Variants in ERVH48-1 observed in about 807,000 individuals in gnomAD.
ERVH48-1 encodes the protein suppressyn.
In ERVH48-1, 4 loss-of-function variants were observed where a neutral mutation model predicts 2.4. The observed-to-expected ratio is 1.68, with a 90% CI of 0.83 to 3.84. The LOEUF is 3.84. Among genes scored for constraint, ERVH48-1 ranks in the 30% most tolerant of loss-of-function variants. The probability of loss-of-function intolerance (pLI) is 0.01; values close to 1 mark genes in which losing one functional copy is unlikely to be tolerated. For missense variants in ERVH48-1, 97 were observed against 43.4 expected (o/e 2.23, Z -3.47); for synonymous variants, 32 against 15.5 (o/e 2.06, Z -2.49).
Position 42,918,935 on chromosome 21 carries a change from G to A in ERVH48-1, c.72C>T (p.Leu24=). 1.6e-6 allele frequency: 1 copy of A among 619,468 alleles called. No individual in the cohort carries two copies. The highest frequency in any genetic ancestry group is 1.5e-5 in the South Asian group (1 of 67,790). The allele number at this position is 619,468 out of a possible 1,614,324, so 38.4% of individuals were successfully genotyped here. ...PTKSLNMGIS[L]TTILILSVAV... is the part of the protein sequence containing the mutation. The stretch of plus-strand genomic sequence containing the variant: ...CTACTGACAGTATTAGGATCGTGGT[G>A]AGGGATATTCCCATATTAAGACTTT... Residue 24 remains leucine, a synonymous_variant, in exon 2 of 2, where the codon CTC becomes CTT. Transcript: ENST00000447535.
chr21:42,922,739 CAAAAAA>C (rs35066156), intron 1 of ERVH48-1, among the ~76,000 whole-genome samples: 2 of 48,196 alleles, frequency 4.1e-5, no homozygotes, highest in East Asian at 5.4e-4. Flanking sequence ...GACTCCGTCT[CAAAAAA>C]AAAAAAAAAA....
chr21:42,925,317 CCT>C (rs2058817631), intron 1 of ERVH48-1, 27 bp downstream of exon 1: 1 of 394,260 alleles, frequency 2.5e-6, no homozygotes, highest in South Asian at 2.4e-5. Context: ...CGGATTTTTC[CCT>C]GTTAACCGGG....
At chr21:42,924,554 C>T (rs988713101) in intron 1 of ERVH48-1, among the ~76,000 whole-genome samples, 6 of 152,144 alleles carry the variant, frequency 3.9e-5, no homozygotes, top group Non-Finnish European at 8.8e-5. Context: ...ATTTTTCCAG[C>T]CGTCAGCAAT....
intron 1 of ERVH48-1, among the ~76,000 whole-genome samples, chr21:42,922,107 T>C (rs2058807656): frequency 6.6e-6 from 1 of 152,122 alleles, no homozygotes; most frequent in East Asian, 1.9e-4. Flanking sequence ...CGAGAAATGA[T>C]AAGCTATAGG....
At chr21:42,924,498 T>G (rs1468575175) in intron 1 of ERVH48-1, among the ~76,000 whole-genome samples, 1 of 152,028 alleles carries the variant, frequency 6.6e-6, no homozygotes, top group African/African-American at 2.4e-5. Context: ...GAGGCCAGGT[T>G]GTAATCTGAG....
At chr21:42,922,097 C>G (rs978977198) in intron 1 of ERVH48-1, among the ~76,000 whole-genome samples, 1 of 151,900 alleles carries the variant, frequency 6.6e-6, no homozygotes, top group Non-Finnish European at 1.5e-5. Flanking sequence ...GGCGAGGAGG[C>G]GAGAAATGAT....
At chr21:42,923,919 G>A (rs1195174413) in intron 1 of ERVH48-1, among the ~76,000 whole-genome samples, 1 of 152,202 alleles carries the variant, frequency 6.6e-6, no homozygotes, top group East Asian at 1.9e-4. Flanking sequence ...GAAATAAACC[G>A]AGTCTTTTGT....
chr21:42,922,510 G>C (rs924617821), intron 1 of ERVH48-1, among the ~76,000 whole-genome samples: 3 of 151,988 alleles, frequency 2.0e-5, no homozygotes, highest in African/African-American at 4.8e-5. Flanking sequence ...GGAGGCCGAG[G>C]TGGGTGGATC....
chr21:42,916,963 C>T lies in ERVH48-1; in HGVS notation c.*1561G>A, dbSNP rs1234450875. 1 of 152,464 alleles carries T rather than the reference C, an allele frequency of 6.6e-6. No individual in the cohort carries two copies. Among genetic ancestry groups the T allele is most frequent in the Non-Finnish European group, 1.5e-5 (1 of 68,254 alleles). 9.4% of individuals were successfully genotyped at this position (152,464 alleles called of 1,614,324 possible). A position where few individuals can be genotyped will look rare whatever the true frequency, so the allele number is the denominator to read the frequency against. Reference sequence around the variant, plus strand: ...GCTATGTAGTACCAGGGCGACCTCCCTCTTGATCTTCAGGGGGTACGTGTC... The same window carrying T: ...GCTATGTAGTACCAGGGCGACCTCCTTCTTGATCTTCAGGGGGTACGTGTC... On this transcript the variant is annotated 3_prime_UTR_variant, in exon 2 of 2. Coordinates refer to ENST00000447535, the MANE Select transcript of ERVH48-1 (RefSeq NM_001308491.2).
rs2058796093 is a variant in ERVH48-1 at position 42,918,588 on chromosome 21, G to C, written c.419C>G (p.Ser140Ter). Residue 140 changes from serine to a stop codon, truncating the protein, a stop_gained, in exon 2 of 2, where the codon TCA (serine) becomes TGA (stop). Coordinates refer to ENST00000447535, the MANE Select transcript of ERVH48-1 (RefSeq NM_001308491.2). LOFTEE classifies it high-confidence loss of function. ...REQIIAKAKA[S>*]KPTTPPENRP... ...ATTTTCAGGGGGAGTTGTTGGTTTT[G>C]AGGCTTTGGCTTTGGCTATAATCTG... 1 of 456,370 alleles carries C rather than the reference G, an allele frequency of 2.2e-6. No individual in the cohort carries two copies. Among genetic ancestry groups the C allele is most frequent in the South Asian group, 1.5e-5 (1 of 64,566 alleles). The allele number at this position is 456,370 out of a possible 1,614,324, so 28.3% of individuals were successfully genotyped here.
In ERVH48-1 at chr21:42,925,389, A is replaced by G. The variant is rs1489518261; in HGVS notation, c.-329T>C. 2.9e-5 allele frequency: 14 copies of G among 483,166 alleles called. No homozygotes were observed. Among genetic ancestry groups the G allele is most frequent in the Non-Finnish European group, 5.4e-5 (14 of 261,556 alleles). 29.9% of individuals were successfully genotyped at this position (483,166 alleles called of 1,614,324 possible). A position where few individuals can be genotyped will look rare whatever the true frequency, so the allele number is the denominator to read the frequency against. On this transcript the variant is annotated 5_prime_UTR_variant, in exon 1 of 2. Coordinates refer to ENST00000447535, the MANE Select transcript of ERVH48-1 (RefSeq NM_001308491.2). ...ACCGATGTGCATGCACAGAGAGGCG[A>G]CTAGAGGCTGAGGAGCTTCCTTTGT...
intron 1 of ERVH48-1, among the ~76,000 whole-genome samples, chr21:42,922,277 T>A (rs193290542): frequency 1.2e-4 from 18 of 152,038 alleles, no homozygotes; most frequent in Non-Finnish European, 2.2e-4. Flanking sequence ...AAGGAAAGGT[T>A]GCATGTTTTA....
chr21:42,917,358 CCA>C lies in ERVH48-1; in HGVS notation c.*1164_*1165del, dbSNP rs2058792059. The C allele has an allele frequency of 1.3e-5, 2 of 151,990 alleles. No individual in the cohort carries two copies. The highest frequency in any genetic ancestry group is 6.6e-5 in the Admixed American group (1 of 15,240). 9.4% of individuals were successfully genotyped at this position (151,990 alleles called of 1,614,324 possible). A position where few individuals can be genotyped will look rare whatever the true frequency, so the allele number is the denominator to read the frequency against. ...ACCACAGGGGAGAAACAGGAGGACCCCAGTGATGAAAATGACTGTCCCCACCA... is the reference window on the plus strand; with the variant it reads ...ACCACAGGGGAGAAACAGGAGGACCCGTGATGAAAATGACTGTCCCCACCA... On this transcript the variant is annotated 3_prime_UTR_variant, in exon 2 of 2. Transcript: ENST00000447535.
At position 42,918,620 on chromosome 21, in the gene ERVH48-1, C is replaced by A. The variant is rs2058796166; in HGVS notation, c.387G>T (p.Lys129Asn). The A allele has an allele frequency of 2.2e-6, 1 of 456,534 alleles. No homozygotes were observed. Among genetic ancestry groups the A allele is most frequent in the African/African-American group, 2.0e-5 (1 of 50,074 alleles). 28.3% of individuals were successfully genotyped at this position (456,534 alleles called of 1,614,324 possible). The change falls in exon 2 of 2, where the codon AAG (lysine) becomes AAT (asparagine). Residue 129 changes from lysine (K) to asparagine (N), a missense_variant. Transcript: ENST00000447535. ...TGGCTTTGGCTATAATCTGTTCTCT[C>A]TTTATGTCCTCAAGCACCTGAGTGT... is the stretch of plus-strand genomic sequence containing the variant. ...GVNTQVLEDI[K>N]REQIIAKAKA... is the part of the protein sequence containing the mutation.
At chr21:42,925,148 G>T (rs2058817102) in intron 1 of ERVH48-1, among the ~76,000 whole-genome samples, 198 bp downstream of exon 1, 1 of 152,126 alleles carries the variant, frequency 6.6e-6, no homozygotes, top group Non-Finnish European at 1.5e-5. Context: ...GTTTCACCAT[G>T]TTGACCAGGC....
intron 1 of ERVH48-1, among the ~76,000 whole-genome samples, chr21:42,922,495 C>G (rs2058808753): frequency 1.3e-5 from 2 of 151,872 alleles, no homozygotes; most frequent in South Asian, 4.2e-4. Context: ...AATCCCAGCA[C>G]TTTGGGAGGC....
chr21:42,925,541 G>A lies in ERVH48-1; in HGVS notation c.-481C>T, dbSNP rs1272769771. The A allele has an allele frequency of 2.6e-5, 7 of 267,728 alleles. No individual in the cohort carries two copies. The highest frequency in any genetic ancestry group is 5.5e-5 in the Admixed American group (1 of 18,068). The allele number at this position is 267,728 out of a possible 1,614,324, so 16.6% of individuals were successfully genotyped here. A position where few individuals can be genotyped will look rare whatever the true frequency, so the allele number is the denominator to read the frequency against. On this transcript the variant is annotated 5_prime_UTR_variant, in exon 1 of 2. Transcript: ENST00000447535. Reference sequence around the variant, plus strand: ...GCATTGGTTGGAACCCGGAGAGCGCGCCAACAGACAACACGAGGCGGTGTG... The same window carrying A: ...GCATTGGTTGGAACCCGGAGAGCGCACCAACAGACAACACGAGGCGGTGTG...
intron 1 of ERVH48-1, among the ~76,000 whole-genome samples, chr21:42,920,213 G>A (rs1601233928): frequency 6.6e-6 from 1 of 152,164 alleles, no homozygotes; most frequent in Non-Finnish European, 1.5e-5. Flanking sequence ...GACATACCGT[G>A]GTCCTTGTTT....
intron 1 of ERVH48-1, among the ~76,000 whole-genome samples, chr21:42,922,797 AAGGGTGG>A (rs2058810319): frequency 6.6e-6 from 1 of 150,600 alleles, no homozygotes; most frequent in Admixed American, 6.6e-5. Flanking sequence ...AAGGGAGCAG[AAGGGTGG>A]AGGGGGGCTC....
Sources: gnomAD v4.1 joint callset for allele counts (sites outside exome capture counted in the v4.1 genomes callset) on GRCh38, gnomAD v4.1.1 for gene constraint, MANE v1.5 for transcripts, NCBI Gene and HGNC (gene_info 2026-07-23, HGNC 2026-07-21) for gene names.